Variants in CNTN3 observed in about 807,000 individuals in gnomAD.
The protein encoded by CNTN3 is contactin 3.
CNTN3 carries 60 observed loss-of-function variants against 119.1 expected under a neutral mutation model. The ratio of observed to expected loss-of-function variants is 0.50; its 90% confidence interval spans 0.41 to 0.62. The LOEUF is 0.62. Ranked by LOEUF, CNTN3 falls within the 20% of genes least tolerant of loss-of-function variation. The pLI is 0.00. For synonymous variants in CNTN3, 450 were observed against 438.7 expected (o/e 1.03, Z -0.32); for missense variants, 1,101 against 1,242.4 (o/e 0.89, Z 1.71).
intron 21 of CNTN3, among the ~76,000 whole-genome samples, 193 bp from the exon 22 acceptor site, chr3:74,266,842 G>C (rs1035258158): frequency 1.6e-4 from 25 of 152,100 alleles, no homozygotes; most frequent in Admixed American, 1.6e-3. Flanking sequence ...TCAAAATCAG[G>C]GAGGCTTGGG....
At chr3:74,264,714 G>A (rs1394824946) in intron 22 of CNTN3, among the ~76,000 whole-genome samples, 4 of 152,072 alleles carry the variant, frequency 2.6e-5, no homozygotes. Flanking sequence ...CCAAAACTGT[G>A]AGAATTAAGT....
At chr3:74,535,483 G>A (rs1235953373) in intron 1 of CNTN3, among the ~76,000 whole-genome samples, 1 of 152,074 alleles carries the variant, frequency 6.6e-6, no homozygotes, top group African/African-American at 2.4e-5. Flanking sequence ...GAGGGAGAGA[G>A]AGGGAAAGAC....
intron 5 of CNTN3, among the ~76,000 whole-genome samples, chr3:74,409,098 T>C (rs1701395290): frequency 6.6e-6 from 1 of 152,188 alleles, no homozygotes; most frequent in Non-Finnish European, 1.5e-5. Flanking sequence ...TGGTCTTGGG[T>C]CATGTTAAAG....
chr3:74,537,213 C>A (rs1366444359), intron 1 of CNTN3, among the ~76,000 whole-genome samples: 3 of 152,096 alleles, frequency 2.0e-5, no homozygotes, highest in Non-Finnish European at 4.4e-5. Context: ...TTTCCACGTG[C>A]ATCCTCACAA....
At chr3:74,425,060 T>G in intron 4 of CNTN3, 120 bp from the exon 5 acceptor site, 3 of 643,264 alleles carry the variant, frequency 4.7e-6, no homozygotes, top group South Asian at 2.1e-5. Flanking sequence ...CTTTAAAAAT[T>G]TTTATTTTTA....
intron 20 of CNTN3, among the ~76,000 whole-genome samples, chr3:74,281,552 T>G (rs568577708): frequency 2.0e-5 from 3 of 152,204 alleles, no homozygotes; most frequent in African/African-American, 7.2e-5. Flanking sequence ...GTCACTATGT[T>G]GCCCAGGCTG....
intron 13 of CNTN3, among the ~76,000 whole-genome samples, chr3:74,315,933 G>C (rs898339281): frequency 6.6e-6 from 1 of 152,062 alleles, no homozygotes; most frequent in Non-Finnish European, 1.5e-5. Context: ...TTTAATACTG[G>C]CCTTGGCAAA....
intron 1 of CNTN3, among the ~76,000 whole-genome samples, chr3:74,604,260 T>G (rs1197017186): frequency 6.6e-6 from 1 of 152,144 alleles, no homozygotes. Flanking sequence ...AGGCAATGAT[T>G]TTTTGGATAT....
intron 11 of CNTN3, among the ~76,000 whole-genome samples, chr3:74,354,597 A>G (rs1477398921): frequency 1.3e-5 from 2 of 152,092 alleles, no homozygotes; most frequent in East Asian, 1.9e-4. Context: ...GTGAAATACT[A>G]TGGAATACTG....
intron 1 of CNTN3, among the ~76,000 whole-genome samples, chr3:74,606,738 A>C (rs897922885): frequency 6.6e-6 from 1 of 152,136 alleles, no homozygotes; most frequent in Admixed American, 6.6e-5. Flanking sequence ...TTATATGGAA[A>C]TACACCCTTC....
intron 1 of CNTN3, among the ~76,000 whole-genome samples, chr3:74,551,505 C>T (rs1009425600): frequency 6.6e-6 from 1 of 151,950 alleles, no homozygotes; most frequent in Admixed American, 6.6e-5. Flanking sequence ...TCATAGTTTA[C>T]ATTAGGGTTC....
intron 5 of CNTN3, among the ~76,000 whole-genome samples, chr3:74,416,987 T>TA (rs71616861): frequency 0.011 from 1,409 of 129,756 alleles, 26 homozygotes; most frequent in African/African-American, 0.04. Context: ...CATTCTAAAA[T>TA]AAAAAAAAAA....
chr3:74,272,767 C>T (rs779751591), intron 20 of CNTN3, among the ~76,000 whole-genome samples: 1 of 152,136 alleles, frequency 6.6e-6, no homozygotes, highest in African/African-American at 2.4e-5. Flanking sequence ...TCTATACTAA[C>T]ATCACAAACA....
At chr3:74,397,105 T>C (rs1207921816) in intron 5 of CNTN3, among the ~76,000 whole-genome samples, 1 of 152,216 alleles carries the variant, frequency 6.6e-6, no homozygotes, top group Non-Finnish European at 1.5e-5. Flanking sequence ...ATGTAGCTGA[T>C]GACTTTAAGT....
At chr3:74,601,976 C>A (rs1246668862) in intron 1 of CNTN3, among the ~76,000 whole-genome samples, 1 of 151,880 alleles carries the variant, frequency 6.6e-6, no homozygotes, top group African/African-American at 2.4e-5. Context: ...GTAACCATAC[C>A]AGCCCAGCCT....
intron 1 of CNTN3, among the ~76,000 whole-genome samples, chr3:74,527,623 T>A (rs1703638304): frequency 6.6e-6 from 1 of 151,956 alleles, no homozygotes; most frequent in Non-Finnish European, 1.5e-5. Flanking sequence ...AGTTACCTAA[T>A]CATGCCAACC....
chr3:74,382,823 T>G (rs1338176458), intron 5 of CNTN3, among the ~76,000 whole-genome samples: 1 of 152,220 alleles, frequency 6.6e-6, no homozygotes, highest in African/African-American at 2.4e-5. Flanking sequence ...AGTGCTGCAA[T>G]GAAAATGGGA....
chr3:74,529,571 C>T (rs1703665276), intron 1 of CNTN3, among the ~76,000 whole-genome samples: 1 of 151,766 alleles, frequency 6.6e-6, no homozygotes, highest in South Asian at 2.1e-4. Context: ...TGAGAGGTTA[C>T]CACTAAGGAC....
intron 11 of CNTN3, among the ~76,000 whole-genome samples, chr3:74,346,834 A>AG (rs1703702564): frequency 6.6e-6 from 1 of 152,066 alleles, no homozygotes; most frequent in Admixed American, 6.5e-5. Flanking sequence ...GGCTTCAGGG[A>AG]GGGGGAAGAA....
Sources: gnomAD v4.1 joint callset for allele counts (sites outside exome capture counted in the v4.1 genomes callset) on GRCh38, gnomAD v4.1.1 for gene constraint, MANE v1.5 for transcripts, NCBI Gene and HGNC (gene_info 2026-07-23, HGNC 2026-07-21) for gene names.